Variants in SMCHD1 observed in about 807,000 individuals in gnomAD.
SMCHD1 encodes structural maintenance of chromosomes flexible hinge domain-containing protein 1.
In SMCHD1, 78 loss-of-function variants were observed where a neutral mutation model predicts 254.7. The ratio of observed to expected loss-of-function variants is 0.31; its 90% confidence interval spans 0.26 to 0.37. The LOEUF (loss-of-function observed/expected upper bound fraction) is 0.37. Among genes scored for constraint, SMCHD1 ranks in the 10% least tolerant of loss-of-function variants. The pLI is 1.00. For synonymous variants in SMCHD1, 766 were observed against 794.9 expected, an observed-to-expected ratio of 0.96 and a Z score of 0.61; for missense variants, 1,840 against 2,408.1, an observed-to-expected ratio of 0.76 and a Z score of 4.94.
chr18:2,730,441 A>T (rs1439995872), intron 24 of SMCHD1, among the ~76,000 whole-genome samples: 1 of 152,190 alleles, frequency 6.6e-6, no homozygotes, highest in African/African-American at 2.4e-5. Flanking sequence ...AAGTGCTGGG[A>T]TTACAGGCGT....
rs370846437 is a variant in SMCHD1 at position 2,707,845 on chromosome 18, G to A, written c.2185G>A (p.Ala729Thr). 6.2e-7 allele frequency: 1 copy of A among 1,608,920 alleles called. No homozygotes were observed. Among genetic ancestry groups the A allele is most frequent in the Non-Finnish European group, 8.5e-7 (1 of 1,177,834 alleles). The change falls in exon 17 of 48, where the codon GCA becomes ACA. Residue 729 changes from alanine to threonine, a missense_variant. Ala to Thr is a moderately conservative substitution (Grantham distance 58). Coordinates refer to ENST00000320876, the MANE Select transcript of SMCHD1 (RefSeq NM_015295.3). ...RIEILNKKGEAMQKLPGTSHG... is the reference protein window; with the variant it reads ...RIEILNKKGETMQKLPGTSHG... ...TGAAATACTGAATAAAAAAGGGGAA[G>A]CAATGCAAAAGCTTCCAGGAACAAG... is the stretch of plus-strand genomic sequence containing the variant.
chr18:2,680,025 C>G (rs928727583), intron 5 of SMCHD1, among the ~76,000 whole-genome samples: 1 of 152,054 alleles, frequency 6.6e-6, no homozygotes, highest in Non-Finnish European at 1.5e-5. Flanking sequence ...TTTTCCAAAT[C>G]CAGAATTTCT....
intron 24 of SMCHD1, among the ~76,000 whole-genome samples, chr18:2,730,421 C>T (rs534193806): frequency 9.1e-4 from 139 of 152,254 alleles, no homozygotes; most frequent in Non-Finnish European, 1.4e-3. Context: ...CCACCCACCT[C>T]GGCCTCCCAA....
chr18:2,679,037 G>A (rs1237538449), intron 5 of SMCHD1, among the ~76,000 whole-genome samples: 2 of 150,750 alleles, frequency 1.3e-5, no homozygotes, highest in African/African-American at 2.4e-5. Flanking sequence ...TAGTAGAGTC[G>A]AGGTTTCGCC....
intron 3 of SMCHD1, among the ~76,000 whole-genome samples, chr18:2,667,777 A>C (rs2073478846): frequency 6.6e-6 from 1 of 152,184 alleles, no homozygotes; most frequent in African/African-American, 2.4e-5. Flanking sequence ...ATACTTCTTT[A>C]ACCTACATTT....
rs531034113 is a variant in SMCHD1, at chr18:2,736,851, A to G, written c.3277-1546A>G. ...TGGAGAGCAGTTTGGAGATTTCTCA[A>G]CCTTAAATAGAACTATCGTTTGAAC... On this transcript the variant is annotated intron_variant, in intron 25 of 47. Coordinates refer to ENST00000320876, the MANE Select transcript of SMCHD1 (RefSeq NM_015295.3). 1.6e-3 allele frequency among the ~76,000 whole-genome samples: 251 copies of G among 152,328 alleles called. 1 individual carries two copies. Among genetic ancestry groups the G allele is most frequent in the South Asian group, 7.9e-3 (38 of 4,830 alleles).
At position 2,656,101 on chromosome 18, in the gene SMCHD1, C is replaced by T. The variant is rs1209311489; in HGVS notation, c.26C>T (p.Pro9Leu). ...ATGGCAGCGGCGGACGGCGGCGGGCCTGGTGGGGCCTCTGTGGGGACTGAG... is the reference window on the plus strand; with the variant it reads ...ATGGCAGCGGCGGACGGCGGCGGGCTTGGTGGGGCCTCTGTGGGGACTGAG... MAAADGGGPGGASVGTEED... is the reference protein window; with the variant it reads MAAADGGGLGGASVGTEED... The change falls in exon 1 of 48, where the codon CCT becomes CTT. Residue 9 changes from proline (P) to leucine (L), a missense_variant. Transcript: ENST00000320876. 2.1e-6 allele frequency: 3 copies of T among 1,415,610 alleles called. No individual in the cohort carries two copies. Among genetic ancestry groups the T allele is most frequent in the Middle Eastern group, 1.9e-4 (1 of 5,286 alleles). 87.7% of individuals were successfully genotyped at this position (1,415,610 alleles called of 1,614,324 possible). A position where few individuals can be genotyped will look rare whatever the true frequency, so the allele number is the denominator to read the frequency against.
chr18:2,750,688 A>G (rs1431577405), intron 32 of SMCHD1, among the ~76,000 whole-genome samples, 181 bp downstream of exon 32: 1 of 152,168 alleles, frequency 6.6e-6, no homozygotes, highest in African/African-American at 2.4e-5. Flanking sequence ...TTTTACACAA[A>G]TAATTTTCTG....
chr18:2,783,902 C>A (rs1373102341), intron 44 of SMCHD1, among the ~76,000 whole-genome samples: 1 of 152,158 alleles, frequency 6.6e-6, no homozygotes, highest in East Asian at 1.9e-4. Flanking sequence ...AACCCTTCAT[C>A]TTTTCCCATC....
intron 9 of SMCHD1, chr18:2,697,333 CT>C (rs558290611): frequency 2.8e-4 from 104 of 374,690 alleles, no homozygotes; most frequent in Non-Finnish European, 4.5e-4. Context: ...CTTGGTTTAT[CT>C]TTTTTTGTCT....
At chr18:2,659,087 G>A (rs1034409807) in intron 1 of SMCHD1, among the ~76,000 whole-genome samples, 8 of 152,028 alleles carry the variant, frequency 5.3e-5, no homozygotes, top group Admixed American at 2.6e-4. Flanking sequence ...GTAGTGTCAG[G>A]CAGTATTATG....
chr18:2,684,204 A>G (rs1260644866), intron 5 of SMCHD1, among the ~76,000 whole-genome samples: 2 of 152,192 alleles, frequency 1.3e-5, no homozygotes, highest in East Asian at 3.8e-4. Flanking sequence ...GACTCAAGTT[A>G]TAAAAGAATG....
intron 3 of SMCHD1, 54 bp from the exon 4 acceptor site, chr18:2,673,227 A>T: frequency 1.3e-6 from 2 of 1,497,708 alleles, no homozygotes; most frequent in South Asian, 1.3e-5. Context: ...TTGAACTTTT[A>T]TATAAAGTAT....
intron 47 of SMCHD1, among the ~76,000 whole-genome samples, chr18:2,797,477 C>T (rs2076283173): frequency 6.6e-6 from 1 of 152,150 alleles, no homozygotes; most frequent in African/African-American, 2.4e-5. Flanking sequence ...GTATTCTTTG[C>T]CATATTCATC....
At chr18:2,784,722 TGTAAG>T in intron 45 of SMCHD1, 101 bp downstream of exon 45, 2 of 1,258,780 alleles carry the variant, frequency 1.6e-6, no homozygotes, top group East Asian at 5.1e-5. Context: ...AATTAACAAA[TGTAAG>T]TAAGTAACAA....
chr18:2,699,472 T>G (rs1431015815), intron 10 of SMCHD1, among the ~76,000 whole-genome samples: 1 of 152,194 alleles, frequency 6.6e-6, no homozygotes, highest in Non-Finnish European at 1.5e-5. Context: ...CCTGAGTAAC[T>G]GGGACTACAG....
At chr18:2,675,780 A>G in intron 5 of SMCHD1, among the ~76,000 whole-genome samples, 1 of 152,236 alleles carries the variant, frequency 6.6e-6, no homozygotes, top group East Asian at 1.9e-4. Context: ...CTGGAAGAGT[A>G]GAAAGAAATG....
intron 25 of SMCHD1, among the ~76,000 whole-genome samples, chr18:2,733,581 G>A (rs916876322): frequency 6.6e-6 from 1 of 152,170 alleles, no homozygotes; most frequent in Non-Finnish European, 1.5e-5. Flanking sequence ...CATTTGTTGT[G>A]TTCCCACTTG....
intron 5 of SMCHD1, among the ~76,000 whole-genome samples, chr18:2,683,916 A>G (rs2073983818): frequency 1.3e-5 from 2 of 152,112 alleles, no homozygotes; most frequent in Non-Finnish European, 2.9e-5. Context: ...ATTATTATAT[A>G]TGAAATGGGT....
Sources: gnomAD v4.1 joint callset for allele counts (sites outside exome capture counted in the v4.1 genomes callset) on GRCh38, gnomAD v4.1.1 for gene constraint, MANE v1.5 for transcripts, NCBI Gene and HGNC (gene_info 2026-07-23, HGNC 2026-07-21) for gene names.